The following RBM6 variants were observed in gnomAD, a reference collection of about 807,000 sequenced individuals.
RBM6 encodes the protein RNA-binding protein 6.
In RBM6, 23 loss-of-function variants were observed where a neutral mutation model predicts 140.4. That is an observed-to-expected ratio of 0.16 (90% CI 0.12 to 0.23). The LOEUF is 0.23. Among genes scored for constraint, RBM6 ranks in the 10% least tolerant of loss-of-function variants. The pLI is 1.00. For synonymous variants in RBM6, 439 were observed against 475.6 expected (o/e 0.92, Z 1.00); for missense variants, 1,139 against 1,386.7 (o/e 0.82, Z 2.84).
At chr3:49,965,848 C>T (rs979764451) in intron 2 of RBM6, among the ~76,000 whole-genome samples, 2 of 151,990 alleles carry the variant, frequency 1.3e-5, no homozygotes, top group African/African-American at 4.8e-5. Context: ...AAGGGTTGGC[C>T]GGGCATGGTG....
intron 19 of RBM6, 92 bp downstream of exon 19, chr3:50,070,644 G>A (rs2108949137): frequency 1.1e-6 from 1 of 914,018 alleles, no homozygotes; most frequent in South Asian, 1.4e-5. Context: ...CTGTCTCAGG[G>A]AGATGATATT....
At chr3:49,974,673 A>ATTTTTT (rs55872898) in intron 4 of RBM6, among the ~76,000 whole-genome samples, 6 of 72,466 alleles carry the variant, frequency 8.3e-5, no homozygotes, top group Non-Finnish European at 1.4e-4. Context: ...TGCCCGGCCA[A>ATTTTTT]TTTTTTTTTT....
intron 13 of RBM6, 48 bp from the exon 14 acceptor site, chr3:50,061,414 G>A: frequency 6.3e-7 from 1 of 1,585,550 alleles, no homozygotes; most frequent in South Asian, 1.2e-5. Flanking sequence ...TCCAGTAAGG[G>A]CTTCATTGGA....
chr3:50,061,830 A>T, intron 14 of RBM6, 132 bp from the exon 15 acceptor site: 1 of 1,314,102 alleles, frequency 7.6e-7, no homozygotes. Context: ...TTTTAGATTG[A>T]TGTGGACTCT....
intron 5 of RBM6, among the ~76,000 whole-genome samples, chr3:49,991,137 CTTATGT>C (rs2085800415): frequency 6.6e-6 from 1 of 152,124 alleles, no homozygotes; most frequent in South Asian, 2.1e-4. Context: ...CAGAGAAATA[CTTATGT>C]TTATCAGTTT....
At chr3:50,067,776 G>A (rs2090167638) in intron 17 of RBM6, among the ~76,000 whole-genome samples, 1 of 152,182 alleles carries the variant, frequency 6.6e-6, no homozygotes, top group South Asian at 2.1e-4. Context: ...TCTAGTAGAT[G>A]TTGCAAGAGC....
intron 6 of RBM6, among the ~76,000 whole-genome samples, chr3:50,000,220 A>G (rs914299245): frequency 5.9e-5 from 9 of 152,148 alleles, no homozygotes; most frequent in Admixed American, 5.2e-4. Context: ...GAATTAATAA[A>G]TAGGTAGAAT....
At chr3:50,043,966 C>T (rs1173758782) in intron 6 of RBM6, among the ~76,000 whole-genome samples, 9 of 150,882 alleles carry the variant, frequency 6.0e-5, no homozygotes, top group Admixed American at 6.7e-5. Context: ...TCAGTGCAAC[C>T]TCCACCTCCC....
intron 6 of RBM6, among the ~76,000 whole-genome samples, chr3:50,045,815 A>G (rs2089191973): frequency 1.3e-5 from 2 of 152,154 alleles, no homozygotes; most frequent in African/African-American, 4.8e-5. Flanking sequence ...AATCTTCACA[A>G]CCACCCTAAG....
At chr3:50,063,994 A>G (rs979637334) in intron 15 of RBM6, among the ~76,000 whole-genome samples, 7 of 151,264 alleles carry the variant, frequency 4.6e-5, no homozygotes, top group African/African-American at 1.7e-4. Context: ...CAGTGGCGTG[A>G]TCTATCTCGG....
At chr3:50,003,607 A>G (rs1235654807) in intron 6 of RBM6, among the ~76,000 whole-genome samples, 2 of 152,184 alleles carry the variant, frequency 1.3e-5, no homozygotes, top group Non-Finnish European at 2.9e-5. Context: ...ATTGTTGGGT[A>G]TGTGTGCCTT....
At chr3:50,059,421 A>G (rs989008710) in intron 10 of RBM6, 2 of 342,168 alleles carry the variant, frequency 5.8e-6, no homozygotes, top group African/African-American at 4.2e-5. Flanking sequence ...TCTGAAGTTT[A>G]TGCCAGAACT....
chr3:50,006,329 T>C (rs1045178705), intron 6 of RBM6, among the ~76,000 whole-genome samples: 1 of 151,576 alleles, frequency 6.6e-6, no homozygotes, highest in African/African-American at 2.4e-5. Flanking sequence ...AGAAATGGGG[T>C]TTCACCATGT....
chr3:50,026,901 CAAAAAA>C (rs139771207), intron 6 of RBM6, among the ~76,000 whole-genome samples: 71 of 119,572 alleles, frequency 5.9e-4, no homozygotes, highest in African/African-American at 2.4e-3. Context: ...CTTGTCTCAC[CAAAAAA>C]AAAAAAAAAA....
rs951386700 is a variant in RBM6 at position 49,971,248 on chromosome 3, C to T, written c.1324-811C>T. Among the ~76,000 whole-genome samples, 13 of 136,306 alleles carry T rather than the reference C, an allele frequency of 9.5e-5. No homozygotes were observed. In the Admixed American group the frequency reaches 1.0e-3, roughly 11 times the overall value. The allele number at this position is 136,306 out of a possible 152,430, so 89.4% of individuals were successfully genotyped here. A position where few individuals can be genotyped will look rare whatever the true frequency, so the allele number is the denominator to read the frequency against. On this transcript the variant is annotated intron_variant, in intron 3 of 20. Transcript: ENST00000266022. ...CACTATTACACTCCAGCCTGGGCAG[C>T]AAGAGCGAAACTCCATCTGAAAAAA...
At chr3:49,995,545 C>CAAAAAA (rs762641031) in intron 5 of RBM6, among the ~76,000 whole-genome samples, 1 of 80,512 alleles carries the variant, frequency 1.2e-5, no homozygotes. Context: ...GACTCTGTCT[C>CAAAAAA]AAAAAAAAAA....
chr3:49,971,956 C>A, intron 3 of RBM6, 103 bp from the exon 4 acceptor site: 1 of 809,888 alleles, frequency 1.2e-6, no homozygotes, highest in Non-Finnish European at 2.1e-6. Context: ...CTTCACGTGA[C>A]ATGTCATTAT....
At chr3:50,000,378 A>G (rs551775623) in intron 6 of RBM6, among the ~76,000 whole-genome samples, 4 of 125,876 alleles carry the variant, frequency 3.2e-5, no homozygotes, top group Non-Finnish European at 6.4e-5. Flanking sequence ...CCCACTGCCT[A>G]TACTTAACAG....
At position 50,063,629 on chromosome 3, in the gene RBM6, G is replaced by T. The variant is rs1416634109; in HGVS notation, c.2587-1402G>T. 2.0e-5 allele frequency among the ~76,000 whole-genome samples: 3 copies of T among 150,590 alleles called. No individual in the cohort carries two copies. The East Asian group carries it at 6.0e-4, about 30-fold the overall frequency. On this transcript the variant is annotated intron_variant, in intron 15 of 20. Coordinates refer to ENST00000266022, the MANE Select transcript of RBM6 (RefSeq NM_005777.3). Reference sequence around the variant, plus strand: ...AAAAAAAAGAAAATCTGCCGGGCATGGTGGCTCATGCCTGTAATCCCAGCA... The same window carrying T: ...AAAAAAAAGAAAATCTGCCGGGCATTGTGGCTCATGCCTGTAATCCCAGCA...
Sources: allele counts gnomAD v4.1 joint callset (sites outside exome capture counted in the v4.1 genomes callset), GRCh38; gene constraint gnomAD v4.1.1; transcripts MANE v1.5; gene names NCBI Gene and HGNC (gene_info 2026-07-23, HGNC 2026-07-21).